Variants in PIEZO2 observed in about 807,000 individuals in gnomAD.
PIEZO2 encodes piezo-type mechanosensitive ion channel component 2.
Under a neutral mutation model 337.3 loss-of-function variants are expected in PIEZO2, and 172 were observed. The ratio of observed to expected loss-of-function variants is 0.51; its 90% CI spans 0.45 to 0.58. The LOEUF is 0.58. PIEZO2 is among the 20% of genes least tolerant of loss of function. PIEZO2 has a pLI of 0.00. For missense variants in PIEZO2, 3,028 were observed against 3,391.3 expected (o/e 0.89, Z 2.66); for synonymous variants, 1,251 against 1,228.5 (o/e 1.02, Z -0.38).
At chr18:10,735,571 T>C (rs4797478) in intron 34 of PIEZO2, among the ~76,000 whole-genome samples, 33,337 of 152,122 alleles carry the variant, frequency 0.22, 3,892 homozygotes, top group South Asian at 0.32. Flanking sequence ...GGCTGCACGA[T>C]GAGTGGTGGT....
intron 7 of PIEZO2, among the ~76,000 whole-genome samples, chr18:10,809,364 G>A (rs946660138): frequency 1.4e-5 from 2 of 138,116 alleles, no homozygotes; most frequent in African/African-American, 2.7e-5. Context: ...TCCGCCTCCC[G>A]GGTTCAAGCA....
At chr18:10,831,174 G>T (rs114255553) in intron 7 of PIEZO2, among the ~76,000 whole-genome samples, 1,681 of 152,152 alleles carry the variant, frequency 0.011, 27 homozygotes, top group African/African-American at 0.039. Flanking sequence ...CCCACTCCTA[G>T]GTATATATCC....
At chr18:10,931,713 T>TGAGAGA (rs10603024) in intron 3 of PIEZO2, among the ~76,000 whole-genome samples, 4 of 147,760 alleles carry the variant, frequency 2.7e-5, no homozygotes, top group Non-Finnish European at 6.0e-5. Context: ...TGTGTGTGTG[T>TGAGAGA]GAGAGAGAGA....
At chr18:10,886,376 G>GTTTA (rs1285711264) in intron 4 of PIEZO2, among the ~76,000 whole-genome samples, 1 of 13,808 alleles carries the variant, frequency 7.2e-5, no homozygotes, top group Non-Finnish European at 1.0e-4. Context: ...ATATGTGTGT[G>GTTTA]TGTGTATATA....
At position 10,759,381 on chromosome 18, in the gene PIEZO2, G is replaced by T. The variant is rs2038024093; in HGVS notation, c.3757+101C>A. On this transcript the variant is annotated intron_variant, in intron 26 of 55. Coordinates refer to ENST00000674853, the MANE Select transcript of PIEZO2 (RefSeq NM_001378183.1). This position sits in a 1 kb window ranked among gnomAD's most constrained non-coding sequence, Gnocchi z 5.5. ...AGACAAGCCTTTACATGATTACGAA[G>T]TCTAGTGGAAGACAAAAGGCACTAA... 1 of 970,224 alleles carries T rather than the reference G, an allele frequency of 1.0e-6. No homozygotes were observed. Among genetic ancestry groups the T allele is most frequent in the Non-Finnish European group, 1.6e-6 (1 of 644,952 alleles). 60.1% of individuals were successfully genotyped at this position (970,224 alleles called of 1,614,324 possible).
Position 10,823,733 on chromosome 18 carries a change from G to A in PIEZO2, c.918-16459C>T, listed in dbSNP as rs372180191. Among the ~76,000 whole-genome samples, 803 of 152,218 alleles carry A rather than the reference G, an allele frequency of 5.3e-3. 11 individuals carry two copies. Among genetic ancestry groups the A allele is most frequent in the African/African-American group, 0.018 (766 of 41,530 alleles). On this transcript the variant is annotated intron_variant, in intron 7 of 55. Transcript: ENST00000674853. The stretch of plus-strand genomic sequence containing the variant: ...AAGCAATACAAAGCTAGTCTTTGAA[G>A]AATCAGAGGGAAAAAGAATCCCACA...
In PIEZO2 at chr18:10,825,682, C is replaced by T. The variant is rs377157167; in HGVS notation, c.918-18408G>A. Among the ~76,000 whole-genome samples, 16 of 151,808 alleles carry T rather than the reference C, an allele frequency of 1.1e-4. No individual in the cohort carries two copies. The East Asian group carries it at 1.9e-3, about 18-fold the overall frequency. ...TCTCCTGCCTCAGCCTCCCAAGTAG[C>T]TGGCACTACAGGCATGTGCCACCAT... On this transcript the variant is annotated intron_variant, in intron 7 of 55. Coordinates refer to ENST00000674853, the MANE Select transcript of PIEZO2 (RefSeq NM_001378183.1).
At chr18:11,063,676 G>T (rs1280702053) in intron 2 of PIEZO2, among the ~76,000 whole-genome samples, 1 of 152,210 alleles carries the variant, frequency 6.6e-6, no homozygotes, top group Admixed American at 6.5e-5. Flanking sequence ...GCAATACATG[G>T]TGGCCTAACA....
At chr18:10,924,529 G>A (rs2031610460) in intron 3 of PIEZO2, among the ~76,000 whole-genome samples, 1 of 152,130 alleles carries the variant, frequency 6.6e-6, no homozygotes, top group African/African-American at 2.4e-5. Flanking sequence ...GTTCAAAGAG[G>A]TCCTATGTTG....
rs116128858 is a variant in PIEZO2, at chr18:10,787,834, C to G, written c.2170-650G>C. 5.7e-3 allele frequency among the ~76,000 whole-genome samples: 863 copies of G among 152,182 alleles called. 7 individuals carry two copies. The highest frequency in any genetic ancestry group is 8.8e-3 in the Non-Finnish European group (598 of 67,986). On this transcript the variant is annotated intron_variant, in intron 15 of 55. Transcript: ENST00000674853. ...TTTCATGTGTTTCTATTATTGGGTT[C>G]TCTTTTATCATCAGTTAAAAGTGAG...
At chr18:11,121,367 C>A (rs2040025364) in intron 1 of PIEZO2, among the ~76,000 whole-genome samples, 1 of 152,090 alleles carries the variant, frequency 6.6e-6, no homozygotes, top group Non-Finnish European at 1.5e-5. Context: ...CCAGCCTGGG[C>A]AACATAGTAG....
intron 1 of PIEZO2, among the ~76,000 whole-genome samples, chr18:11,118,230 C>A (rs1202024547): frequency 6.6e-6 from 1 of 152,222 alleles, no homozygotes; most frequent in Non-Finnish European, 1.5e-5. Context: ...ACAGCTAGGT[C>A]TTGTTCCACA....
At chr18:10,693,551 CG>C (rs1388594939) in intron 47 of PIEZO2, among the ~76,000 whole-genome samples, 1 of 149,014 alleles carries the variant, frequency 6.7e-6, no homozygotes, top group Non-Finnish European at 1.5e-5. Context: ...TTTTTTAAGA[CG>C]GGGTTTCACC....
intron 2 of PIEZO2, among the ~76,000 whole-genome samples, chr18:11,029,628 T>G (rs891793455): frequency 1.3e-4 from 20 of 152,210 alleles, no homozygotes; most frequent in Non-Finnish European, 1.5e-5. Context: ...CTTCAGTGCT[T>G]CTCAGCCTCT....
chr18:10,804,173 G>A (rs1418312821), intron 8 of PIEZO2, among the ~76,000 whole-genome samples, 179 bp from the exon 9 acceptor site: 1 of 152,218 alleles, frequency 6.6e-6, no homozygotes, highest in East Asian at 1.9e-4. Context: ...CCCTGTAATT[G>A]TAAGTACACC....
At chr18:10,966,531 C>A (rs1161789530) in intron 3 of PIEZO2, among the ~76,000 whole-genome samples, 1 of 152,168 alleles carries the variant, frequency 6.6e-6, no homozygotes, top group East Asian at 1.9e-4. Flanking sequence ...GAGAAATCCA[C>A]ATTTCTTGTT....
intron 35 of PIEZO2, among the ~76,000 whole-genome samples, chr18:10,732,548 A>T (rs182128581): frequency 1.0e-4 from 16 of 152,384 alleles, no homozygotes; most frequent in Admixed American, 3.9e-4. Flanking sequence ...ATAGGTTACT[A>T]TAATAGAAAA....
chr18:10,720,313 A>G lies in PIEZO2; in HGVS notation c.5030-2054T>C, dbSNP rs113620058. On this transcript the variant is annotated intron_variant, in intron 36 of 55. Coordinates refer to ENST00000674853, the MANE Select transcript of PIEZO2 (RefSeq NM_001378183.1). The stretch of plus-strand genomic sequence containing the variant: ...ATGTATATTCTCTCTCTCTGTGTGT[A>G]TATATATATATATAATATATATATC... Among the ~76,000 whole-genome samples the G allele has an allele frequency of 3.9e-3, 468 of 119,008 alleles. 7 individuals are homozygous for G. Among genetic ancestry groups the G allele is most frequent in the Non-Finnish European group, 5.7e-3 (351 of 61,894 alleles). 78.1% of individuals were successfully genotyped at this position (119,008 alleles called of 152,430 possible).
chr18:10,731,568 A>G, intron 35 of PIEZO2, 47 bp from the exon 36 acceptor site: 2 of 1,273,124 alleles, frequency 1.6e-6, no homozygotes, highest in Non-Finnish European at 1.1e-6. Flanking sequence ...AATAATTTGA[A>G]ATAAAAGGGA....
Sources: gnomAD v4.1 joint callset for allele counts (sites outside exome capture counted in the v4.1 genomes callset) on GRCh38, gnomAD v4.1.1 for gene constraint, Gnocchi (gnomAD v3.1) non-coding constraint, MANE v1.5 for transcripts, NCBI Gene and HGNC (gene_info 2026-07-23, HGNC 2026-07-21) for gene names.